The following ERI3 variants were observed in gnomAD, a reference collection of about 807,000 sequenced individuals.
The protein encoded by ERI3 is ERI1 exoribonuclease family member 3.
Under a neutral mutation model 44.4 loss-of-function variants are expected in ERI3, and 18 were observed. That is an observed-to-expected ratio of 0.41 (90% CI 0.28 to 0.60). The LOEUF is 0.60. ERI3 is among the 20% of genes least tolerant of loss of function. ERI3 has a pLI of 0.36. For missense variants in ERI3, 294 were observed against 435.5 expected, an observed-to-expected ratio of 0.68 and a Z score of 2.89; for synonymous variants, 183 against 164.8, an observed-to-expected ratio of 1.11 and a Z score of -0.84.
At chr1:44,353,439 C>G (rs1472323893) in intron 1 of ERI3, 6 of 985,300 alleles carry the variant, frequency 6.1e-6, no homozygotes, top group African/African-American at 1.7e-5. Flanking sequence ...TCAATAGATA[C>G]CTATCATCCT....
At chr1:44,282,874 C>A (rs1255960369) in intron 7 of ERI3, among the ~76,000 whole-genome samples, 9 of 152,172 alleles carry the variant, frequency 5.9e-5, no homozygotes, top group Non-Finnish European at 1.3e-4. Flanking sequence ...TGCAGGGGAA[C>A]CAAACTGAAC....
chr1:44,347,138 T>C (rs1646801008), intron 2 of ERI3, among the ~76,000 whole-genome samples: 2 of 152,162 alleles, frequency 1.3e-5, no homozygotes, highest in South Asian at 4.1e-4. Context: ...ACTGATTCCC[T>C]CCATCCGACA....
In ERI3 at chr1:44,259,681, A is replaced by AACACAC. The variant is rs1430303370; in HGVS notation, c.832-11649_832-11644dup. ...ACGTGGCAAAATCCTATCTCTACAA[A>AACACAC]ACACACAGACACACACACACACACA... On this transcript the variant is annotated intron_variant, in intron 7 of 8. Coordinates refer to ENST00000372257, the MANE Select transcript of ERI3 (RefSeq NM_024066.3). 1.3e-4 allele frequency among the ~76,000 whole-genome samples: 7 copies of AACACAC among 54,050 alleles called. No homozygotes were observed. The East Asian group carries it at 1.8e-3, about 14-fold the overall frequency. The allele number at this position is 54,050 out of a possible 152,430, so 35.5% of individuals were successfully genotyped here. A position where few individuals can be genotyped will look rare whatever the true frequency, so the allele number is the denominator to read the frequency against.
At chr1:44,297,278 C>G (rs1645630058) in intron 6 of ERI3, among the ~76,000 whole-genome samples, 1 of 152,022 alleles carries the variant, frequency 6.6e-6, no homozygotes, top group Non-Finnish European at 1.5e-5. Context: ...CTTCCCAAAG[C>G]CCTACAAAGC....
At chr1:44,296,275 T>A (rs976351317) in intron 6 of ERI3, among the ~76,000 whole-genome samples, 4 of 152,166 alleles carry the variant, frequency 2.6e-5, no homozygotes, top group Admixed American at 6.5e-5. Flanking sequence ...GCTATTTAAC[T>A]GGGTGACCCC....
chr1:44,265,638 A>G (rs1053312755), intron 7 of ERI3, among the ~76,000 whole-genome samples: 1 of 151,784 alleles, frequency 6.6e-6, no homozygotes, highest in African/African-American at 2.4e-5. Context: ...AATATTGATC[A>G]CCTGATGGGA....
At chr1:44,303,118 T>C (rs2154327012) in intron 6 of ERI3, among the ~76,000 whole-genome samples, 2 of 152,266 alleles carry the variant, frequency 1.3e-5, no homozygotes, top group East Asian at 3.9e-4. Context: ...GAGGCACAAA[T>C]CTCTCAGAGA....
At chr1:44,325,643 C>T (rs981770496) in intron 3 of ERI3, among the ~76,000 whole-genome samples, 6 of 152,072 alleles carry the variant, frequency 3.9e-5, no homozygotes, top group African/African-American at 9.7e-5. Context: ...AAAACTGGGA[C>T]AGAGGGTTTA....
chr1:44,320,440 T>C (rs1646175694), intron 3 of ERI3, among the ~76,000 whole-genome samples: 1 of 152,134 alleles, frequency 6.6e-6, no homozygotes, highest in Non-Finnish European at 1.5e-5. Context: ...GATTAATTTG[T>C]CTCCGCTATT....
In ERI3 at chr1:44,342,857, A is replaced by ATAT. The variant is rs1646709018; in HGVS notation, c.212-3536_212-3535insATA. ...TATATATATATATATATATATATAT[A>ATAT]TTTTTTTTTTTTTTTTTTTTTTTTT... On this transcript the variant is annotated intron_variant, in intron 2 of 8. Transcript: ENST00000372257. Among the ~76,000 whole-genome samples, 17 of 19,174 alleles carry ATAT rather than the reference A, an allele frequency of 8.9e-4. 1 individual carries two copies. The highest frequency in any genetic ancestry group is 1.3e-3 in the Non-Finnish European group (14 of 11,082). The allele number at this position is 19,174 out of a possible 152,430, so 12.6% of individuals were successfully genotyped here. A position where few individuals can be genotyped will look rare whatever the true frequency, so the allele number is the denominator to read the frequency against.
At chr1:44,224,141 CT>C (rs1450721773) in intron 8 of ERI3, among the ~76,000 whole-genome samples, 8 of 152,188 alleles carry the variant, frequency 5.3e-5, no homozygotes, top group African/African-American at 1.7e-4. Flanking sequence ...CTCTTCTTCT[CT>C]GCCTAATCAT....
intron 8 of ERI3, among the ~76,000 whole-genome samples, chr1:44,237,043 G>C (rs77570257): frequency 6.6e-6 from 1 of 152,076 alleles, no homozygotes; most frequent in Non-Finnish European, 1.5e-5. Context: ...CCCTCAAATG[G>C]GCTGGTCAGG....
At chr1:44,317,405 A>T (rs1249465738) in intron 4 of ERI3, among the ~76,000 whole-genome samples, 1 of 152,026 alleles carries the variant, frequency 6.6e-6, no homozygotes, top group Non-Finnish European at 1.5e-5. Flanking sequence ...TGGTATGGAG[A>T]CAGGGCAAAA....
intron 6 of ERI3, among the ~76,000 whole-genome samples, chr1:44,306,422 G>A (rs372217434): frequency 6.6e-6 from 1 of 152,150 alleles, no homozygotes; most frequent in Non-Finnish European, 1.5e-5. Flanking sequence ...ATGCGGTAAG[G>A]TATGCGCTCA....
intron 6 of ERI3, among the ~76,000 whole-genome samples, chr1:44,297,489 A>G (rs886807992): frequency 2.6e-5 from 4 of 152,040 alleles, no homozygotes; most frequent in Non-Finnish European, 5.9e-5. Flanking sequence ...CCCTATTGGC[A>G]TGGCTGGGGA....
intron 8 of ERI3, among the ~76,000 whole-genome samples, chr1:44,224,685 T>C (rs150443824): frequency 1.5e-3 from 226 of 152,290 alleles, no homozygotes; most frequent in Non-Finnish European, 2.2e-3. Flanking sequence ...GTGTATACAA[T>C]TGATAGCACA....
chr1:44,350,830 C>A (rs143657879), intron 2 of ERI3, among the ~76,000 whole-genome samples: 1 of 152,090 alleles, frequency 6.6e-6, no homozygotes, highest in African/African-American at 2.4e-5. Flanking sequence ...TTTCCTGCCT[C>A]AAGCCTCAGC....
chr1:44,251,021 G>A lies in ERI3; in HGVS notation c.832-2983C>T, dbSNP rs931002079. 2.0e-5 allele frequency among the ~76,000 whole-genome samples: 3 copies of A among 152,174 alleles called. No individual in the cohort carries two copies. In the East Asian group the frequency reaches 5.8e-4, roughly 29 times the overall value. ...GCCTCACGGGGCCACCCTAAGCATA[G>A]TACCAGGGCCCAGCACCTCATGCTC... On this transcript the variant is annotated intron_variant, in intron 7 of 8. Coordinates refer to ENST00000372257, the MANE Select transcript of ERI3 (RefSeq NM_024066.3).
intron 7 of ERI3, among the ~76,000 whole-genome samples, chr1:44,249,965 T>C (rs1238435476): frequency 6.6e-6 from 1 of 151,734 alleles, no homozygotes; most frequent in African/African-American, 2.4e-5. Flanking sequence ...TTTTTTCCCC[T>C]CTAAAAAGGA....
Sources: allele counts gnomAD v4.1 joint callset (sites outside exome capture counted in the v4.1 genomes callset), GRCh38; gene constraint gnomAD v4.1.1; transcripts MANE v1.5; gene names NCBI Gene and HGNC (gene_info 2026-07-23, HGNC 2026-07-21).